Variants in ATP10A observed in about 807,000 individuals in gnomAD.
ATP10A encodes the protein ATPase phospholipid transporting 10A (putative).
ATP10A carries 111 observed loss-of-function variants against 147.8 expected under a neutral mutation model. That is an observed-to-expected ratio of 0.75 (90% CI 0.64 to 0.88). The LOEUF (loss-of-function observed/expected upper bound fraction) is 0.88. Ranked by LOEUF, ATP10A falls within the 40% of genes least tolerant of loss-of-function variation. The pLI, the probability that ATP10A is intolerant of heterozygous loss-of-function variation, is 0.00. For missense variants in ATP10A, 1,927 were observed against 1,959.0 expected, an observed-to-expected ratio of 0.98 and a Z score of 0.31; for synonymous variants, 875 against 841.6, an observed-to-expected ratio of 1.04 and a Z score of -0.69.
intron 17 of ATP10A, 113 bp from the exon 18 acceptor site, chr15:25,681,187 A>C (rs111335395): frequency 1.4e-6 from 1 of 690,250 alleles, no homozygotes; most frequent in Non-Finnish European, 2.3e-6. Context: ...ATAACAACAA[A>C]AACCCACCCT....
In ATP10A at chr15:25,740,462, G is replaced by C. The variant is rs528385853; in HGVS notation, c.655-4321C>G. ...GAGAACCCTGGTGAGAGAATGCACAGAGAGCAGGGGCCAGCACCTGCCAGC... is the reference window on the plus strand; with the variant it reads ...GAGAACCCTGGTGAGAGAATGCACACAGAGCAGGGGCCAGCACCTGCCAGC... On this transcript the variant is annotated intron_variant, in intron 2 of 20. Transcript: ENST00000555815. 2.6e-5 allele frequency among the ~76,000 whole-genome samples: 4 copies of C among 152,320 alleles called. No homozygotes were observed. In the South Asian group the frequency reaches 8.3e-4, roughly 32 times the overall value.
intron 1 of ATP10A, chr15:25,841,688 A>T (rs1322020409): frequency 6.6e-6 from 1 of 152,188 alleles, no homozygotes; most frequent in Non-Finnish European, 1.5e-5. Context: ...CGATCCATGA[A>T]CATGGGAAGT....
rs774170767 is a variant in ATP10A at position 25,862,731 on chromosome 15, C to G, written c.366G>C (p.Thr122=). The change falls in exon 1 of 21, where the codon ACG becomes ACC. Residue 122 remains threonine, a synonymous_variant. Transcript: ENST00000555815. ...LAPVLFILAI[T]AFRDLWEDYS... is the part of the protein sequence containing the mutation. ...AGTCCTCCCACAGGTCCCTGAAGGC[C>G]GTGATGGCCAGGATGAAGAGCACCG... 6.2e-7 allele frequency: 1 copy of G among 1,612,136 alleles called. No individual in the cohort carries two copies. Among genetic ancestry groups the G allele is most frequent in the East Asian group, 2.2e-5 (1 of 44,766 alleles).
chr15:25,679,329 A>C lies in ATP10A; in HGVS notation c.*12T>G, dbSNP rs770460921. On this transcript the variant is annotated 3_prime_UTR_variant, in exon 21 of 21. Transcript: ENST00000555815. ...TTATTTATATATATTAAAAAAGGCC[A>C]TTTCAAGGTTTTCACTGTGACCGCC... is the stretch of plus-strand genomic sequence containing the variant. 1 of 1,415,872 alleles carries C rather than the reference A, an allele frequency of 7.1e-7. No homozygotes were observed. The highest frequency in any genetic ancestry group is 1.9e-5 in the South Asian group (1 of 53,916). 87.7% of individuals were successfully genotyped at this position (1,415,872 alleles called of 1,614,324 possible).
chr15:25,814,297 A>T (rs1200626923), intron 1 of ATP10A, among the ~76,000 whole-genome samples: 1 of 152,356 alleles, frequency 6.6e-6, no homozygotes, highest in East Asian at 1.9e-4. Flanking sequence ...AATGTATTTT[A>T]AAAACGTAGG....
At chr15:25,844,718 A>G (rs2140897414) in intron 1 of ATP10A, among the ~76,000 whole-genome samples, 1 of 152,242 alleles carries the variant, frequency 6.6e-6, no homozygotes, top group East Asian at 1.9e-4. Flanking sequence ...GCGAGCAGTG[A>G]GGAGGGCAGA....
intron 13 of ATP10A, 39 bp downstream of exon 13, chr15:25,701,877 C>A (rs753464691): frequency 6.5e-7 from 1 of 1,548,778 alleles, no homozygotes; most frequent in Admixed American, 1.9e-5. Flanking sequence ...CATGGACCAC[C>A]CCAGGGGAAG....
chr15:25,817,927 T>C (rs959638778), intron 1 of ATP10A, among the ~76,000 whole-genome samples: 6 of 152,236 alleles, frequency 3.9e-5, no homozygotes, highest in African/African-American at 1.4e-4. Context: ...ATATACAAAG[T>C]TGTATTCATT....
At chr15:25,719,233 C>G (rs17556078) in intron 7 of ATP10A, among the ~76,000 whole-genome samples, 2,228 of 152,122 alleles carry the variant, frequency 0.015, 62 homozygotes, top group African/African-American at 0.051. Flanking sequence ...GTCAAGAGGC[C>G]GGAGAAGGAG....
At chr15:25,739,148 C>T in intron 2 of ATP10A, among the ~76,000 whole-genome samples, 1 of 152,212 alleles carries the variant, frequency 6.6e-6, no homozygotes, top group Non-Finnish European at 1.5e-5. Flanking sequence ...TGGCTCACTG[C>T]AACCTCCACC....
chr15:25,805,636 T>G (rs1401417465), intron 1 of ATP10A, among the ~76,000 whole-genome samples: 1 of 152,096 alleles, frequency 6.6e-6, no homozygotes, highest in Non-Finnish European at 1.5e-5. Flanking sequence ...ATTGGAGGGG[T>G]GTGTCTGTCT....
At chr15:25,816,942 G>A (rs527999361) in intron 1 of ATP10A, among the ~76,000 whole-genome samples, 1 of 151,102 alleles carries the variant, frequency 6.6e-6, no homozygotes, top group African/African-American at 2.5e-5. Flanking sequence ...TATAAACGGT[G>A]TGGGCCTCTA....
At chr15:25,787,011 T>A (rs966167313) in intron 1 of ATP10A, among the ~76,000 whole-genome samples, 20 of 151,984 alleles carry the variant, frequency 1.3e-4, no homozygotes, top group Non-Finnish European at 1.2e-4. Flanking sequence ...GACCCAGGCC[T>A]GCACAGAACA....
chr15:25,826,631 C>T (rs1012649737), intron 1 of ATP10A, among the ~76,000 whole-genome samples: 3 of 152,052 alleles, frequency 2.0e-5, no homozygotes, highest in African/African-American at 2.4e-5. Flanking sequence ...CCCATCTCTG[C>T]CAAAAATATA....
In ATP10A at chr15:25,683,271, T is replaced by G. The variant is rs1238189332; in HGVS notation, c.3492+15A>C. ...AGCTCAGGAGGTGGAAGGCGGAGAC[T>G]CGGGGGAGCTTTACCTCCATGTTCT... is the stretch of plus-strand genomic sequence containing the variant. On this transcript the variant is annotated intron_variant, in intron 17 of 20. Transcript: ENST00000555815. 2.5e-6 allele frequency: 4 copies of G among 1,611,936 alleles called. No homozygotes were observed. The highest frequency in any genetic ancestry group is 3.4e-6 in the Non-Finnish European group (4 of 1,179,274).
chr15:25,736,343 A>G (rs1202064442), intron 2 of ATP10A, among the ~76,000 whole-genome samples: 1 of 152,212 alleles, frequency 6.6e-6, no homozygotes, highest in Non-Finnish European at 1.5e-5. Context: ...ACGAGTGACA[A>G]TTGGGGGACC....
Position 25,683,394 on chromosome 15 carries a change from C to A in ATP10A, c.3384G>T (p.Leu1128=). 6.2e-7 allele frequency: 1 copy of A among 1,614,052 alleles called. No individual in the cohort carries two copies. The highest frequency in any genetic ancestry group is 8.5e-7 in the Non-Finnish European group (1 of 1,180,010). Residue 1128 remains leucine (L), a synonymous_variant, in exon 17 of 21, where the codon CTG becomes CTT. Transcript: ENST00000555815. The stretch of plus-strand genomic sequence containing the variant: ...CGAGCGGGGGAAGTGACGAGAAGAG[C>A]AGATTAAAGAAGATTAGATACCACT... ...IDQWYLIFFN[L]LFSSLPPLVT...
Position 25,680,930 on chromosome 15 carries a change from G to A in ATP10A, c.3574-16C>T. On this transcript the variant is annotated splice_polypyrimidine_tract_variant and intron_variant, in intron 18 of 20. Coordinates refer to ENST00000555815, the MANE Select transcript of ATP10A (RefSeq NM_024490.4). Reference sequence around the variant, plus strand: ...CATAGTAGGCCTGAAAGACAGTGGGGTCCTGGATCTGTAGGTCCCCGGATC... The same window carrying A: ...CATAGTAGGCCTGAAAGACAGTGGGATCCTGGATCTGTAGGTCCCCGGATC... 3 of 1,613,780 alleles carry A rather than the reference G, an allele frequency of 1.9e-6. No homozygotes were observed. The highest frequency in any genetic ancestry group is 2.5e-6 in the Non-Finnish European group (3 of 1,179,666).
intron 1 of ATP10A, among the ~76,000 whole-genome samples, chr15:25,850,244 A>G (rs956913046): frequency 6.6e-6 from 1 of 152,134 alleles, no homozygotes; most frequent in East Asian, 1.9e-4. Flanking sequence ...AGTGGGGAGC[A>G]CCCAGCAGGA....
Sources: allele counts gnomAD v4.1 joint callset (sites outside exome capture counted in the v4.1 genomes callset), GRCh38; gene constraint gnomAD v4.1.1; transcripts MANE v1.5; gene names NCBI Gene and HGNC (gene_info 2026-07-23, HGNC 2026-07-21).